The following DHH variants were observed in gnomAD, a reference collection of about 807,000 sequenced individuals.
The protein encoded by DHH is desert hedgehog signaling molecule, also known as desert hedgehog protein.
In DHH, 16 loss-of-function variants were observed where a neutral mutation model predicts 27.6. That is an observed-to-expected ratio of 0.58 (90% CI 0.39 to 0.88). The LOEUF (loss-of-function observed/expected upper bound fraction) is 0.88. DHH is among the 40% of genes least tolerant of loss of function. DHH has a pLI of 0.00. For synonymous variants in DHH, 289 were observed against 263.4 expected, an observed-to-expected ratio of 1.10 and a Z score of -0.94; for missense variants, 436 against 563.1, an observed-to-expected ratio of 0.77 and a Z score of 2.28.
At position 49,087,297 on chromosome 12, in the gene DHH, A is replaced by G. The variant is rs1939225037; in HGVS notation, c.*2562T>C. 6.6e-6 allele frequency among the ~76,000 whole-genome samples: 1 copy of G among 152,160 alleles called. No homozygotes were observed. The highest frequency in any genetic ancestry group is 2.1e-4 in the South Asian group (1 of 4,832). On this transcript the variant is annotated 3_prime_UTR_variant, in exon 3 of 3. Coordinates refer to ENST00000649637, the MANE Select transcript of DHH (RefSeq NM_021044.4). ...GCCTCAAGCCTAGAAAGTTACTTAC[A>G]GGATGTAGTTTAAGGGAAACCAATG...
intron 1 of DHH, chr12:49,092,266 A>T (rs554897899): frequency 6.6e-6 from 1 of 152,450 alleles, no homozygotes; most frequent in South Asian, 2.1e-4. Context: ...TCTGCTCTAG[A>T]TGCAGCCCAG....
At chr12:49,092,591 G>A (rs1419710920) in intron 1 of DHH, among the ~76,000 whole-genome samples, 1 of 152,166 alleles carries the variant, frequency 6.6e-6, no homozygotes, top group African/African-American at 2.4e-5. Context: ...CCTCCACCCC[G>A]CAGAGTTGGG....
rs1342239307 is a variant in DHH, at chr12:49,089,225, C to T, written c.*634G>A. Reference sequence around the variant, plus strand: ...ATGCTGGTCCTCTCTGGATGGGAGACGGAAACAGCAGCCTGGAAAAGGGTA... The same window carrying T: ...ATGCTGGTCCTCTCTGGATGGGAGATGGAAACAGCAGCCTGGAAAAGGGTA... On this transcript the variant is annotated 3_prime_UTR_variant, in exon 3 of 3. Transcript: ENST00000649637. 6.6e-6 allele frequency among the ~76,000 whole-genome samples: 1 copy of T among 152,230 alleles called. No individual in the cohort carries two copies. Among genetic ancestry groups the T allele is most frequent in the African/African-American group, 2.4e-5 (1 of 41,458 alleles).
In DHH at chr12:49,090,272, A is replaced by G. The variant is rs960435792; in HGVS notation, c.778T>C (p.Trp260Arg). ...GTGAGCAACAGTTTGCGTGGAGGCC[A>G]CTCGGTCTCCACAGCCACAAATGAA... The part of the protein sequence containing the change: ...RASFVAVETE[W>R]PPRKLLLTPW... The change falls in exon 3 of 3, where the codon TGG (tryptophan) becomes CGG (arginine). Residue 260 changes from tryptophan to arginine, a missense_variant. Physicochemically the swap from Trp to Arg is moderately radical, Grantham distance 101. Coordinates refer to ENST00000649637, the MANE Select transcript of DHH (RefSeq NM_021044.4). This position sits in a 1 kb window ranked among gnomAD's most constrained non-coding sequence, Gnocchi z 5.2. 12 of 1,575,174 alleles carry G rather than the reference A, an allele frequency of 7.6e-6. No individual in the cohort carries two copies. Among genetic ancestry groups the G allele is most frequent in the Non-Finnish European group, 1.0e-5 (12 of 1,161,282 alleles).
chr12:49,092,662 T>A (rs576772394), intron 1 of DHH, among the ~76,000 whole-genome samples: 340 of 152,300 alleles, frequency 2.2e-3, no homozygotes, highest in Non-Finnish European at 3.5e-3. Context: ...TTTCGTCCCC[T>A]AAGGAGGCCC....
At chr12:49,094,169 C>A (rs759491527) in intron 1 of DHH, 41 bp downstream of exon 1, 2 of 1,610,876 alleles carry the variant, frequency 1.2e-6, no homozygotes, top group Non-Finnish European at 8.5e-7. Context: ...AACGGAGGAG[C>A]TGGCAGTGCC....
rs529934751 is a variant in DHH at position 49,090,629 on chromosome 12, G to T, written c.566-145C>A. The T allele has an allele frequency of 1.8e-6, 2 of 1,094,846 alleles. No homozygotes were observed. The highest frequency in any genetic ancestry group is 1.6e-5 in the African/African-American group (1 of 62,584). The allele number at this position is 1,094,846 out of a possible 1,614,324, so 67.8% of individuals were successfully genotyped here. On this transcript the variant is annotated intron_variant, in intron 2 of 2. Transcript: ENST00000649637. The surrounding 1 kb of genome is among the most constrained non-coding windows in gnomAD (Gnocchi z 5.2). ...CCAACCTGGGCAGAAAAGGAAGGGC[G>T]GTTTTTCTTTCTTTTCTTTTCCTTT...
At chr12:49,094,077 T>A in intron 1 of DHH, 133 bp downstream of exon 1, 1 of 1,036,336 alleles carries the variant, frequency 9.6e-7, no homozygotes. Context: ...TTCCCCCCCC[T>A]GGGGCTGGTG....
chr12:49,091,465 C>A lies in DHH; in HGVS notation c.304-76G>T. 1 of 1,579,012 alleles carries A rather than the reference C, an allele frequency of 6.3e-7. No homozygotes were observed. Among genetic ancestry groups the A allele is most frequent in the Non-Finnish European group, 8.6e-7 (1 of 1,165,284 alleles). On this transcript the variant is annotated intron_variant, in intron 1 of 2. Coordinates refer to ENST00000649637, the MANE Select transcript of DHH (RefSeq NM_021044.4). The surrounding 1 kb of genome is among the most constrained non-coding windows in gnomAD (Gnocchi z 4.8). ...AGGGACCTGGATAGGAGGGTTGATT[C>A]TTTGTTATTCCGGCCCTACTCTTAC...
rs1466568547 is a variant in DHH, at chr12:49,088,898, T to C, written c.*961A>G. ...TCAGTAAGGAAATATTCCAGCCTCT[T>C]ACTGTGCCCCCCTTCCTTTTTCAGG... On this transcript the variant is annotated 3_prime_UTR_variant, in exon 3 of 3. Transcript: ENST00000649637. Among the ~76,000 whole-genome samples, 1 of 152,240 alleles carries C rather than the reference T, an allele frequency of 6.6e-6. No individual in the cohort carries two copies. Among genetic ancestry groups the C allele is most frequent in the Non-Finnish European group, 1.5e-5 (1 of 68,050 alleles).
Position 49,090,527 on chromosome 12 carries a change from G to A in DHH, c.566-43C>T, listed in dbSNP as rs761825594. ...AGGGAGGATTGAATCAAGACCAGCG[G>A]TTCCAGAACGATTCTCAAGGCCAGC... On this transcript the variant is annotated intron_variant, in intron 2 of 2. Transcript: ENST00000649637. The surrounding 1 kb of genome is among the most constrained non-coding windows in gnomAD (Gnocchi z 5.2). 6.3e-7 allele frequency: 1 copy of A among 1,589,596 alleles called. No individual in the cohort carries two copies. The highest frequency in any genetic ancestry group is 8.5e-7 in the Non-Finnish European group (1 of 1,176,720).
Position 49,091,333 on chromosome 12 carries a change from T to C in DHH, c.360A>G (p.Gly120=), listed in dbSNP as rs1939299524. ...LAIAVMNMWP[G]VRLRVTEGWD... Reference sequence around the variant, plus strand: ...AGCCCTCAGTCACTCGTAGGCGCACTCCGGGCCACATGTTCATCACGGCAA... The same window carrying C: ...AGCCCTCAGTCACTCGTAGGCGCACCCCGGGCCACATGTTCATCACGGCAA... The change falls in exon 2 of 3, where the codon GGA becomes GGG. Residue 120 remains glycine (G), a synonymous_variant. Transcript: ENST00000649637. This position sits in a 1 kb window ranked among gnomAD's most constrained non-coding sequence, Gnocchi z 4.8. 1 of 1,614,080 alleles carries C rather than the reference T, an allele frequency of 6.2e-7. No homozygotes were observed. The highest frequency in any genetic ancestry group is 1.7e-5 in the Admixed American group (1 of 60,002).
In DHH at chr12:49,090,560, T is replaced by C. The variant is rs547917300; in HGVS notation, c.566-76A>G. 1.3e-5 allele frequency: 20 copies of C among 1,558,130 alleles called. No individual in the cohort carries two copies. Among genetic ancestry groups the C allele is most frequent in the Middle Eastern group, 2.3e-4 (1 of 4,414 alleles). On this transcript the variant is annotated intron_variant, in intron 2 of 2. Coordinates refer to ENST00000649637, the MANE Select transcript of DHH (RefSeq NM_021044.4). This position sits in a 1 kb window ranked among gnomAD's most constrained non-coding sequence, Gnocchi z 5.2. ...ACGATTCTCAAGGCCAGCGCAGATA[T>C]CGCCAGTCATGGACAACACAATTTT...
rs1173391849 is a variant in DHH at position 49,087,744 on chromosome 12, C to T, written c.*2115G>A. Among the ~76,000 whole-genome samples, 1 of 152,100 alleles carries T rather than the reference C, an allele frequency of 6.6e-6. No individual in the cohort carries two copies. Among genetic ancestry groups the T allele is most frequent in the Admixed American group, 6.6e-5 (1 of 15,266 alleles). The stretch of plus-strand genomic sequence containing the variant: ...ATATATATATGCATTACCTGATTAC[C>T]TGGGAAGGGCAGTAAAACCAAGGAG... On this transcript the variant is annotated 3_prime_UTR_variant, in exon 3 of 3. Transcript: ENST00000649637.
At position 49,094,616 on chromosome 12, in the gene DHH, C is replaced by T; in HGVS notation, c.-104G>A. On this transcript the variant is annotated 5_prime_UTR_variant, in exon 1 of 3. Transcript: ENST00000649637. ...CCAGAGAGGGCAGCAGGCACAGCTG[C>T]CCCCAGAGTGCCCTAGAGCTCTTGT... 7 of 1,324,370 alleles carry T rather than the reference C, an allele frequency of 5.3e-6. No homozygotes were observed. Among genetic ancestry groups the T allele is most frequent in the Non-Finnish European group, 7.4e-6 (7 of 944,138 alleles). The allele number at this position is 1,324,370 out of a possible 1,614,324, so 82.0% of individuals were successfully genotyped here.
In DHH at chr12:49,089,132, A is replaced by G. The variant is rs1009372336; in HGVS notation, c.*727T>C. ...TGAGCCCCTGCTGGAGCCCCTATAA[A>G]CAGAGAAGAGGTGTGCACAGTCTTT... On this transcript the variant is annotated 3_prime_UTR_variant, in exon 3 of 3. Transcript: ENST00000649637. Among the ~76,000 whole-genome samples, 1 of 152,260 alleles carries G rather than the reference A, an allele frequency of 6.6e-6. No homozygotes were observed. Among genetic ancestry groups the G allele is most frequent in the Admixed American group, 6.5e-5 (1 of 15,290 alleles).
At position 49,091,033 on chromosome 12, in the gene DHH, T is replaced by C. The variant is rs1402401675; in HGVS notation, c.565+95A>G. ...GTGGTTTTCAACACTAAAGCCCGCT[T>C]GGTCTCCCCTAGGGTGGCAACAGTA... On this transcript the variant is annotated intron_variant, in intron 2 of 2. Transcript: ENST00000649637. This position sits in a 1 kb window ranked among gnomAD's most constrained non-coding sequence, Gnocchi z 4.8. 1.9e-6 allele frequency: 3 copies of C among 1,594,482 alleles called. No homozygotes were observed. In the Admixed American group the frequency reaches 5.0e-5, roughly 27 times the overall value.
Position 49,088,894 on chromosome 12 carries a change from C to T in DHH, c.*965G>A, listed in dbSNP as rs1212367092. On this transcript the variant is annotated 3_prime_UTR_variant, in exon 3 of 3. Coordinates refer to ENST00000649637, the MANE Select transcript of DHH (RefSeq NM_021044.4). ...CCCTTCAGTAAGGAAATATTCCAGC[C>T]TCTTACTGTGCCCCCCTTCCTTTTT... is the stretch of plus-strand genomic sequence containing the variant. 1.3e-5 allele frequency among the ~76,000 whole-genome samples: 2 copies of T among 152,212 alleles called. No individual in the cohort carries two copies. The highest frequency in any genetic ancestry group is 3.8e-4 in the East Asian group (2 of 5,200).
Position 49,087,124 on chromosome 12 carries a change from T to C in DHH, c.*2735A>G, listed in dbSNP as rs1013884404. ...GGTGCTGCAATTGGGAGGTGTTGCA[T>C]GGCCAAGTGAATATGCCCACCTGCT... is the stretch of plus-strand genomic sequence containing the variant. On this transcript the variant is annotated 3_prime_UTR_variant, in exon 3 of 3. Transcript: ENST00000649637. Among the ~76,000 whole-genome samples the C allele has an allele frequency of 2.6e-5, 4 of 152,048 alleles. No homozygotes were observed. The highest frequency in any genetic ancestry group is 9.7e-5 in the African/African-American group (4 of 41,388).
Sources: allele counts gnomAD v4.1 joint callset (sites outside exome capture counted in the v4.1 genomes callset), GRCh38; gene constraint gnomAD v4.1.1; non-coding constraint Gnocchi (gnomAD v3.1); transcripts MANE v1.5; gene names NCBI Gene and HGNC (gene_info 2026-07-23, HGNC 2026-07-21).